Variants in TCTN3 observed in about 807,000 individuals in gnomAD.
TCTN3 encodes the protein tectonic-3.
TCTN3 carries 57 observed loss-of-function variants against 71.3 expected under a neutral mutation model. The observed-to-expected ratio is 0.80, with a 90% CI of 0.65 to 1.00. The LOEUF (loss-of-function observed/expected upper bound fraction) is 1.00, where lower values mean the gene tolerates loss of function less well. Among genes scored for constraint, TCTN3 ranks in the 50% least tolerant of loss-of-function variants. The probability of loss-of-function intolerance (pLI) is 0.00; values close to 1 mark genes in which losing one functional copy is unlikely to be tolerated. For synonymous variants in TCTN3, 258 were observed against 267.8 expected, an observed-to-expected ratio of 0.96 and a Z score of 0.36; for missense variants, 696 against 719.9, an observed-to-expected ratio of 0.97 and a Z score of 0.38.
chr10:95,685,339 T>A (rs754824640), intron 8 of TCTN3, among the ~76,000 whole-genome samples: 2 of 152,168 alleles, frequency 1.3e-5, no homozygotes, highest in Non-Finnish European at 2.9e-5. Flanking sequence ...CAAGTTTAAT[T>A]TCAAACTTGT....
chr10:95,685,652 AG>A lies in TCTN3; in HGVS notation c.889-17del. ...GAACCTGGAACTAGCAACGAAAAGAAGCAAATTAACTAAAACTGAAGGCGGT... is the reference window on the plus strand; with the variant it reads ...GAACCTGGAACTAGCAACGAAAAGAACAAATTAACTAAAACTGAAGGCGGT... On this transcript the variant is annotated splice_polypyrimidine_tract_variant and intron_variant, in intron 7 of 13. Coordinates refer to ENST00000371217, the MANE Select transcript of TCTN3 (RefSeq NM_015631.6). The A allele has an allele frequency of 6.5e-7, 1 of 1,544,506 alleles. No individual in the cohort carries two copies. The highest frequency in any genetic ancestry group is 1.2e-5 in the South Asian group (1 of 83,902).
chr10:95,683,611 C>G lies in TCTN3; in HGVS notation c.1114G>C (p.Ala372Pro). 1 of 1,612,156 alleles carries G rather than the reference C, an allele frequency of 6.2e-7. No individual in the cohort carries two copies. The highest frequency in any genetic ancestry group is 8.5e-7 in the Non-Finnish European group (1 of 1,179,242). The change falls in exon 10 of 14, where the codon GCT becomes CCT. Residue 372 changes from alanine (A) to proline (P), a missense_variant. Transcript: ENST00000371217. ...CTTCTAGGACTGGTGAGAGAAGCAG[C>G]TGTGCTCTGTTGAAAAGCCTGCAGA... Reference protein sequence around the residue: ...LRFRAFQQSTAASLTSPRSGN... With the variant: ...LRFRAFQQSTPASLTSPRSGN...
At chr10:95,683,009 G>A (rs878961893) in intron 11 of TCTN3, 92 bp downstream of exon 11, 29 of 1,355,304 alleles carry the variant, frequency 2.1e-5, no homozygotes, top group Middle Eastern at 1.8e-4. Flanking sequence ...AGCATTTTCC[G>A]AACTGTCATT....
chr10:95,673,060 G>A (rs1050698627), intron 13 of TCTN3, among the ~76,000 whole-genome samples: 3 of 152,072 alleles, frequency 2.0e-5, no homozygotes, highest in Non-Finnish European at 2.9e-5. Context: ...TTTGTAAAAG[G>A]TCTTTTTATA....
chr10:95,682,646 CT>C lies in TCTN3; in HGVS notation c.1452+4del, dbSNP rs1555269741. 6.2e-7 allele frequency: 1 copy of C among 1,609,434 alleles called. No homozygotes were observed. The highest frequency in any genetic ancestry group is 8.5e-7 in the Non-Finnish European group (1 of 1,178,578). Reference sequence around the variant, plus strand: ...CTTCATCAGAAAGTATATTTCTCTCCTTACTGAAATGCTGCAGTGCCTGTTG... The same window carrying C: ...CTTCATCAGAAAGTATATTTCTCTCCTACTGAAATGCTGCAGTGCCTGTTG... On this transcript the variant is annotated splice_donor_region_variant and intron_variant, in intron 12 of 13. Transcript: ENST00000371217.
intron 3 of TCTN3, among the ~76,000 whole-genome samples, chr10:95,690,248 T>C (rs7075081): frequency 0.36 from 53,970 of 151,994 alleles, 10,194 homozygotes; most frequent in East Asian, 0.7. Context: ...CCTCCCAAAG[T>C]GCTGGATTAC....
chr10:95,669,527 C>G (rs1461403953), intron 13 of TCTN3, among the ~76,000 whole-genome samples: 1 of 152,198 alleles, frequency 6.6e-6, no homozygotes, highest in African/African-American at 2.4e-5. Flanking sequence ...CCTTCAGTAT[C>G]TGCTGGTGAA....
At chr10:95,673,354 TGG>T in intron 13 of TCTN3, among the ~76,000 whole-genome samples, 1 of 152,162 alleles carries the variant, frequency 6.6e-6, no homozygotes. Context: ...ACTCTATGTA[TGG>T]ACTGAGATAC....
At chr10:95,687,753 TAAAAG>T in intron 3 of TCTN3, 34 bp from the exon 4 acceptor site, 1 of 1,589,350 alleles carries the variant, frequency 6.3e-7, no homozygotes, top group South Asian at 1.2e-5. Context: ...AGCGTTTAGA[TAAAAG>T]AAAAACATGC....
intron 3 of TCTN3, among the ~76,000 whole-genome samples, chr10:95,691,284 C>T (rs1487395030): frequency 6.6e-6 from 1 of 152,120 alleles, no homozygotes; most frequent in Non-Finnish European, 1.5e-5. Flanking sequence ...TCCCAACTAG[C>T]TGAGATTACA....
Position 95,684,611 on chromosome 10 carries a change from A to G in TCTN3, c.983T>C (p.Ile328Thr), listed in dbSNP as rs2097946504. 1 of 1,613,732 alleles carries G rather than the reference A, an allele frequency of 6.2e-7. No individual in the cohort carries two copies. The highest frequency in any genetic ancestry group is 1.3e-5 in the African/African-American group (1 of 75,034). Residue 328 changes from isoleucine to threonine, a missense_variant, in exon 9 of 14, where the codon ATA (isoleucine) becomes ACA (threonine). Ile to Thr is a moderately conservative substitution (Grantham distance 89). Transcript: ENST00000371217. ...GATTCCAAAAGTCCCATTGGTCTCT[A>G]TCTCATAGGTGACCTGAAATGCAAA... The part of the protein sequence containing the change: ...QNVVSQVTYE[I>T]ETNGTFGIQK...
intron 13 of TCTN3, among the ~76,000 whole-genome samples, chr10:95,666,099 C>G (rs1235953507): frequency 1.3e-5 from 2 of 152,062 alleles, no homozygotes; most frequent in Admixed American, 6.6e-5. Context: ...CACCATCACA[C>G]CTGGCTAATT....
intron 7 of TCTN3, 53 bp from the exon 8 acceptor site, chr10:95,685,689 G>A: frequency 7.3e-7 from 1 of 1,369,092 alleles, no homozygotes; most frequent in Non-Finnish European, 1.0e-6. Flanking sequence ...ATTTTGTCTT[G>A]TATCTATTAA....
Position 95,669,279 on chromosome 10 carries a change from A to G in TCTN3, c.1591-4979T>C, listed in dbSNP as rs145484257. 1.4e-4 allele frequency among the ~76,000 whole-genome samples: 21 copies of G among 152,346 alleles called. No individual in the cohort carries two copies. The East Asian group carries it at 4.0e-3, about 29-fold the overall frequency. On this transcript the variant is annotated intron_variant, in intron 13 of 13. Transcript: ENST00000371217. ...ATATATTGTGTATTTCAAAATAGCTAGAAGAGCAGATTTTAAATGTTCCCA... is the reference window on the plus strand; with the variant it reads ...ATATATTGTGTATTTCAAAATAGCTGGAAGAGCAGATTTTAAATGTTCCCA...
At chr10:95,672,525 G>A (rs1461125463) in intron 13 of TCTN3, among the ~76,000 whole-genome samples, 2 of 151,978 alleles carry the variant, frequency 1.3e-5, no homozygotes, top group South Asian at 2.1e-4. Flanking sequence ...CTACATTCTT[G>A]GAACATGATT....
At chr10:95,680,118 TCA>T (rs1185980768) in intron 13 of TCTN3, among the ~76,000 whole-genome samples, 3 of 152,232 alleles carry the variant, frequency 2.0e-5, no homozygotes, top group Non-Finnish European at 4.4e-5. Flanking sequence ...GCTCAGGGAC[TCA>T]CATATAACTG....
intron 13 of TCTN3, among the ~76,000 whole-genome samples, chr10:95,676,628 G>A (rs922770095): frequency 3.9e-5 from 6 of 152,020 alleles, no homozygotes; most frequent in African/African-American, 1.2e-4. Context: ...TTGCAAACTC[G>A]GTCATGATAT....
chr10:95,668,981 T>C (rs1264770333), intron 13 of TCTN3, among the ~76,000 whole-genome samples: 2 of 152,056 alleles, frequency 1.3e-5, no homozygotes, highest in Admixed American at 6.6e-5. Flanking sequence ...CAAAGAAAAC[T>C]AAGAGTGAAA....
Position 95,685,612 on chromosome 10 carries a change from AG to A in TCTN3, c.912del (p.Ser305HisfsTer16). ...GCCAACAGAGGAGCATTAGCCTGTGAGGTAAGTATTACAGGAACCTGGAACT... is the reference window on the plus strand; with the variant it reads ...GCCAACAGAGGAGCATTAGCCTGTGAGTAAGTATTACAGGAACCTGGAACT... Reference protein sequence around the residue: ...NMEFQVPVILTSQANAPLLAG... With the variant: ...NMEFQVPVILXSQANAPLLAG... On this transcript the variant is annotated frameshift_variant, in exon 8 of 14. Coordinates refer to ENST00000371217, the MANE Select transcript of TCTN3 (RefSeq NM_015631.6). LOFTEE classifies it high-confidence loss of function. The A allele has an allele frequency of 1.9e-6, 3 of 1,551,470 alleles. No individual in the cohort carries two copies. The highest frequency in any genetic ancestry group is 2.6e-6 in the Non-Finnish European group (3 of 1,146,840).
Sources: gnomAD v4.1 joint callset for allele counts (sites outside exome capture counted in the v4.1 genomes callset) on GRCh38, gnomAD v4.1.1 for gene constraint, MANE v1.5 for transcripts, NCBI Gene and HGNC (gene_info 2026-07-23, HGNC 2026-07-21) for gene names.